PAPOLA: variants seen among roughly 807,000 people sequenced by gnomAD.
PAPOLA encodes the protein polynucleotide adenylyltransferase alpha.
Under a neutral mutation model 100.6 loss-of-function variants are expected in PAPOLA, and 15 were observed. The observed-to-expected ratio is 0.15, with a 90% CI of 0.10 to 0.23. PAPOLA has a LOEUF of 0.23. Ranked by LOEUF, PAPOLA falls within the 10% of genes least tolerant of loss-of-function variation. PAPOLA has a pLI of 1.00. For synonymous variants in PAPOLA, 293 were observed against 300.0 expected (o/e 0.98, Z 0.24); for missense variants, 533 against 884.2 (o/e 0.60, Z 5.04).
intron 1 of PAPOLA, among the ~76,000 whole-genome samples, chr14:96,519,064 A>G (rs1452657443): frequency 6.6e-6 from 1 of 152,038 alleles, no homozygotes; most frequent in Non-Finnish European, 1.5e-5. Context: ...CTCAAAAAAT[A>G]AGAGGTAGCT....
At position 96,555,945 on chromosome 14, in the gene PAPOLA, G is replaced by A. The variant is rs2140327778; in HGVS notation, c.1763G>A (p.Gly588Glu). 1.9e-6 allele frequency: 3 copies of A among 1,583,200 alleles called. No homozygotes were observed. Among genetic ancestry groups the A allele is most frequent in the Non-Finnish European group, 2.6e-6 (3 of 1,152,416 alleles). ...CAAGTAAATTCCAGTGAAAGCTCAG[G>A]GGGTAAGGAGATTGGGTTTGTCAGG... Reference protein sequence around the residue: ...VPQVNSSESSGGTSSESIPQT... With the variant: ...VPQVNSSESSEGTSSESIPQT... The change falls in exon 18 of 22, where the codon GGG becomes GAG. Residue 588 changes from glycine to glutamate, a missense_variant and splice_region_variant. Physicochemically the swap from Gly to Glu is moderately conservative, Grantham distance 98. Around this residue, in one of 9 missense-constraint regions of PAPOLA, gnomAD observed 242 missense variants for 281.0 expected, o/e 0.86. Transcript: ENST00000216277.
intron 6 of PAPOLA, among the ~76,000 whole-genome samples, chr14:96,529,256 A>C (rs1369328008): frequency 6.6e-6 from 1 of 152,084 alleles, no homozygotes; most frequent in Non-Finnish European, 1.5e-5. Flanking sequence ...TAGTTTTATG[A>C]GCCTATAATC....
At chr14:96,509,648 A>T (rs757297439) in intron 1 of PAPOLA, among the ~76,000 whole-genome samples, 1 of 152,210 alleles carries the variant, frequency 6.6e-6, no homozygotes, top group Non-Finnish European at 1.5e-5. Flanking sequence ...TGCACCAATG[A>T]TATGGCCTGT....
intron 17 of PAPOLA, 158 bp downstream of exon 17, chr14:96,552,780 G>A (rs555413427): frequency 1.1e-4 from 68 of 643,844 alleles, no homozygotes; most frequent in Middle Eastern, 8.4e-4. Flanking sequence ...TTTGGGGATA[G>A]TACTTTTTGG....
Position 96,532,306 on chromosome 14 carries a change from G to A in PAPOLA, c.608-25G>A, listed in dbSNP as rs45581934. The stretch of plus-strand genomic sequence containing the variant: ...GTTTTGTGTGTGTGTGTGTGTGTGT[G>A]TTTTTTTTTACCCCTATTAATTAGG... On this transcript the variant is annotated intron_variant, in intron 7 of 21. Coordinates refer to ENST00000216277, the MANE Select transcript of PAPOLA (RefSeq NM_032632.5). The A allele has an allele frequency of 2.0e-3, 2,551 of 1,250,436 alleles. 3 individuals are homozygous for A. Among genetic ancestry groups the A allele is most frequent in the Non-Finnish European group, 2.6e-3 (2,365 of 915,480 alleles). 77.5% of individuals were successfully genotyped at this position (1,250,436 alleles called of 1,614,324 possible).
intron 19 of PAPOLA, among the ~76,000 whole-genome samples, chr14:96,559,577 C>CTATATATA (rs1266017605): frequency 1.4e-3 from 159 of 110,696 alleles, no homozygotes; most frequent in African/African-American, 5.6e-3. Flanking sequence ...CTCTCTCTCT[C>CTATATATA]TCTCTATATA....
At chr14:96,550,068 T>C (rs1900719428) in intron 16 of PAPOLA, among the ~76,000 whole-genome samples, 1 of 152,208 alleles carries the variant, frequency 6.6e-6, no homozygotes, top group Non-Finnish European at 1.5e-5. Flanking sequence ...AGATCATGTG[T>C]GCCCAATAGT....
At position 96,532,356 on chromosome 14, in the gene PAPOLA, A is replaced by G. The variant is rs758542478; in HGVS notation, c.633A>G (p.Leu211=). ...GTTGCAGGGTAACCGATGAAATTTT[A>G]CATCTAGTACCAAACATTGACAACT... ...LNGCRVTDEI[L]HLVPNIDNFR... The change falls in exon 8 of 22, where the codon TTA becomes TTG. Residue 211 remains leucine, a synonymous_variant. Transcript: ENST00000216277. 3 of 1,612,584 alleles carry G rather than the reference A, an allele frequency of 1.9e-6. No homozygotes were observed. The South Asian group carries it at 3.3e-5, about 18-fold the overall frequency.
intron 12 of PAPOLA, among the ~76,000 whole-genome samples, chr14:96,541,077 G>A (rs1899946405): frequency 2.0e-5 from 3 of 152,078 alleles, no homozygotes; most frequent in Non-Finnish European, 2.9e-5. Context: ...TTTTAGTAGA[G>A]ACGGAGTTTC....
chr14:96,552,460 A>C lies in PAPOLA; in HGVS notation c.1522-20A>C. ...GGATGAAATAAAGATATATTTGATAAAATGTTTTATTGTTTGCAGCATTCA... is the reference window on the plus strand; with the variant it reads ...GGATGAAATAAAGATATATTTGATACAATGTTTTATTGTTTGCAGCATTCA... On this transcript the variant is annotated intron_variant, in intron 16 of 21. Coordinates refer to ENST00000216277, the MANE Select transcript of PAPOLA (RefSeq NM_032632.5). The C allele has an allele frequency of 6.2e-7, 1 of 1,602,438 alleles. No individual in the cohort carries two copies. Among genetic ancestry groups the C allele is most frequent in the Non-Finnish European group, 8.5e-7 (1 of 1,170,802 alleles).
At chr14:96,514,936 A>G (rs1897351121) in intron 1 of PAPOLA, among the ~76,000 whole-genome samples, 1 of 152,092 alleles carries the variant, frequency 6.6e-6, no homozygotes. Context: ...TTTTTATCAG[A>G]TTGTTTTTGA....
chr14:96,506,120 T>C (rs944475817), intron 1 of PAPOLA, among the ~76,000 whole-genome samples: 4 of 152,164 alleles, frequency 2.6e-5, no homozygotes, highest in Non-Finnish European at 5.9e-5. Context: ...GCCAGGATGG[T>C]CTCGATTTCC....
chr14:96,518,849 G>A (rs966352015), intron 1 of PAPOLA, among the ~76,000 whole-genome samples: 2 of 151,870 alleles, frequency 1.3e-5, no homozygotes, highest in African/African-American at 4.8e-5. Context: ...TTGAGCTCAG[G>A]AGTTCGAGAG....
At chr14:96,542,394 C>G (rs769914777) in intron 13 of PAPOLA, 98 bp downstream of exon 13, 33 of 740,810 alleles carry the variant, frequency 4.5e-5, no homozygotes, top group Admixed American at 7.5e-5. Context: ...CTTAAAACTT[C>G]TAGTTTGGTT....
At chr14:96,558,541 T>G (rs1901548755) in intron 19 of PAPOLA, among the ~76,000 whole-genome samples, 2 of 152,166 alleles carry the variant, frequency 1.3e-5, no homozygotes, top group Non-Finnish European at 2.9e-5. Context: ...TCTTGTCTGG[T>G]TTAGAAAAGC....
intron 1 of PAPOLA, among the ~76,000 whole-genome samples, chr14:96,517,953 C>T (rs978284849): frequency 3.3e-5 from 5 of 152,038 alleles, no homozygotes; most frequent in East Asian, 3.9e-4. Context: ...CTGCCCTCCT[C>T]GGCCCCCCAA....
intron 3 of PAPOLA, among the ~76,000 whole-genome samples, chr14:96,521,594 G>C (rs978461172): frequency 3.9e-5 from 6 of 152,026 alleles, no homozygotes; most frequent in Admixed American, 1.3e-4. Context: ...AGTTCAAGCA[G>C]TCCTCCTGGC....
At chr14:96,511,930 CTTTG>C (rs781485439) in intron 1 of PAPOLA, among the ~76,000 whole-genome samples, 21 of 152,210 alleles carry the variant, frequency 1.4e-4, no homozygotes, top group African/African-American at 2.4e-4. Context: ...TTTTAAAAAT[CTTTG>C]TTTATTTCAC....
intron 2 of PAPOLA, 158 bp from the exon 3 acceptor site, chr14:96,520,848 A>AAGCGAGAGAGAGAGCG: frequency 1.8e-6 from 1 of 548,684 alleles, no homozygotes; most frequent in Non-Finnish European, 3.4e-6. Flanking sequence ...GAGAGAGAGA[A>AAGCGAGAGAGAGAGCG]AGCGAGAGAG....
Sources: allele counts gnomAD v4.1 joint callset (sites outside exome capture counted in the v4.1 genomes callset), GRCh38; gene constraint gnomAD v4.1.1; regional missense constraint gnomAD v4.1.1; transcripts MANE v1.5; gene names NCBI Gene and HGNC (gene_info 2026-07-23, HGNC 2026-07-21).